The following TNNI3K variants were observed in gnomAD, a reference collection of about 807,000 sequenced individuals.
TNNI3K encodes TNNI3 interacting kinase.
TNNI3K carries 140 observed loss-of-function variants against 114.5 expected under a neutral mutation model. The observed-to-expected ratio is 1.22, with a 90% CI of 1.07 to 1.41. TNNI3K has a LOEUF of 1.41. TNNI3K is among the 40% of genes most tolerant of loss of function. TNNI3K has a pLI of 0.00. For synonymous variants in TNNI3K, 347 were observed against 347.5 expected, an observed-to-expected ratio of 1.00 and a Z score of 0.02; for missense variants, 1,125 against 1,007.6, an observed-to-expected ratio of 1.12 and a Z score of -1.58.
intron 21 of TNNI3K, chr1:74,475,147 CA>C: frequency 1.8e-6 from 1 of 548,162 alleles, no homozygotes; most frequent in Non-Finnish European, 3.2e-6. Flanking sequence ...CACACACACA[CA>C]CACACACACA....
At chr1:74,435,392 A>G (rs1055690478) in intron 17 of TNNI3K, among the ~76,000 whole-genome samples, 2 of 152,044 alleles carry the variant, frequency 1.3e-5, no homozygotes, top group African/African-American at 4.8e-5. Flanking sequence ...GCTAATTAAC[A>G]TATCTATCCA....
intron 2 of TNNI3K, among the ~76,000 whole-genome samples, chr1:74,242,986 T>C (rs1654340071): frequency 6.6e-6 from 1 of 152,132 alleles, no homozygotes; most frequent in African/African-American, 2.4e-5. Flanking sequence ...TGATTCCTTC[T>C]TTCCTATCCC....
At position 74,432,985 on chromosome 1, in the gene TNNI3K, G is replaced by T. The variant is rs553767146; in HGVS notation, c.1773-3095G>T. The stretch of plus-strand genomic sequence containing the variant: ...GTATGCTAATACCATCTCCATAGTG[G>T]CTCCATGAGGAATGGAAAAATGTTG... On this transcript the variant is annotated intron_variant, in intron 17 of 24. Coordinates refer to ENST00000326637, the MANE Select transcript of TNNI3K (RefSeq NM_015978.3). 6.6e-5 allele frequency among the ~76,000 whole-genome samples: 10 copies of T among 152,062 alleles called. No homozygotes were observed. The East Asian group carries it at 1.7e-3, about 27-fold the overall frequency.
In TNNI3K at chr1:74,370,338, G is replaced by A. The variant is rs1295527141; in HGVS notation, c.1718G>A (p.Gly573Asp). The change falls in exon 17 of 25, where the codon GGC (glycine) becomes GAC (aspartate). Residue 573 changes from glycine (G) to aspartate (D), a missense_variant. Coordinates refer to ENST00000326637, the MANE Select transcript of TNNI3K (RefSeq NM_015978.3). Reference sequence around the variant, plus strand: ...ATTATTGCAGTAGATGTTGCCAAAGGCATGGAGTACCTTCACAACCTGACA... The same window carrying A: ...ATTATTGCAGTAGATGTTGCCAAAGACATGGAGTACCTTCACAACCTGACA... ...KLIIAVDVAK[G>D]MEYLHNLTQP... is the part of the protein sequence containing the mutation. The A allele has an allele frequency of 6.2e-7, 1 of 1,607,110 alleles. No individual in the cohort carries two copies. The highest frequency in any genetic ancestry group is 8.5e-7 in the Non-Finnish European group (1 of 1,175,916).
intron 5 of TNNI3K, among the ~76,000 whole-genome samples, chr1:74,284,234 T>C (rs2100263404): frequency 6.6e-6 from 1 of 152,320 alleles, no homozygotes; most frequent in East Asian, 1.9e-4. Flanking sequence ...CTTTGAGTAT[T>C]GGATATTCTA....
At chr1:74,385,786 G>A (rs1415768937) in intron 17 of TNNI3K, among the ~76,000 whole-genome samples, 1 of 152,146 alleles carries the variant, frequency 6.6e-6, no homozygotes, top group East Asian at 1.9e-4. Context: ...ATTCTTGTAG[G>A]TTCTGGTCTG....
chr1:74,349,028 G>A (rs6670635), intron 9 of TNNI3K, among the ~76,000 whole-genome samples: 12,723 of 151,946 alleles, frequency 0.084, 554 homozygotes, highest in Non-Finnish European at 0.1. Flanking sequence ...AACTTCCAAC[G>A]CTATGTTGAA....
At position 74,537,515 on chromosome 1, in the gene TNNI3K, C is replaced by T. The variant is rs188968158; in HGVS notation, c.2352-2719C>T. On this transcript the variant is annotated intron_variant, in intron 23 of 24. Transcript: ENST00000326637. ...ATTAATCAGTGTGAACTGATGTTAG[C>T]TTTCAGGAAAAACTGATGTCTCCAA... Among the ~76,000 whole-genome samples, 8 of 152,280 alleles carry T rather than the reference C, an allele frequency of 5.3e-5. No homozygotes were observed. In the East Asian group the frequency reaches 1.5e-3, roughly 29 times the overall value.
intron 23 of TNNI3K, among the ~76,000 whole-genome samples, chr1:74,511,797 G>C (rs1243426116): frequency 6.6e-6 from 1 of 151,976 alleles, no homozygotes; most frequent in Non-Finnish European, 1.5e-5. Flanking sequence ...GTTTGGCAGA[G>C]TTAACCAAGC....
At chr1:74,438,790 G>T (rs562840468) in intron 19 of TNNI3K, among the ~76,000 whole-genome samples, 1 of 152,190 alleles carries the variant, frequency 6.6e-6, no homozygotes, top group South Asian at 2.1e-4. Flanking sequence ...TCGAAACAGA[G>T]GCTAGAACTT....
intron 9 of TNNI3K, among the ~76,000 whole-genome samples, chr1:74,347,859 G>A (rs992225341): frequency 1.3e-5 from 2 of 151,908 alleles, no homozygotes; most frequent in Admixed American, 6.6e-5. Context: ...TTTTTTTCTT[G>A]TAAATTTGTA....
intron 21 of TNNI3K, among the ~76,000 whole-genome samples, chr1:74,467,293 A>AC (rs1222215887): frequency 1.1e-3 from 170 of 152,320 alleles, no homozygotes; most frequent in African/African-American, 3.8e-3. Context: ...CACTAACATC[A>AC]TGCTATTCTG....
At chr1:74,349,195 T>G (rs1570500292) in intron 9 of TNNI3K, among the ~76,000 whole-genome samples, 1 of 152,274 alleles carries the variant, frequency 6.6e-6, no homozygotes, top group South Asian at 2.1e-4. Flanking sequence ...TATTGAAAGT[T>G]TTTAGCATGA....
chr1:74,459,629 T>C (rs1472469539), intron 20 of TNNI3K, among the ~76,000 whole-genome samples: 5 of 152,238 alleles, frequency 3.3e-5, no homozygotes, highest in Admixed American at 6.5e-5. Context: ...CAGATTATTT[T>C]TGGTTTATTA....
At chr1:74,414,652 T>A (rs1386162822) in intron 17 of TNNI3K, among the ~76,000 whole-genome samples, 4 of 152,204 alleles carry the variant, frequency 2.6e-5, no homozygotes, top group Non-Finnish European at 5.9e-5. Flanking sequence ...TGTTCTGTCA[T>A]CATTGAACTT....
rs199771934 is a variant in TNNI3K, at chr1:74,436,151, G to A, written c.1825+19G>A. 6.5e-5 allele frequency: 104 copies of A among 1,610,650 alleles called. 1 individual carries two copies. Among genetic ancestry groups the A allele is most frequent in the South Asian group, 4.8e-4 (44 of 90,830 alleles). On this transcript the variant is annotated intron_variant, in intron 18 of 24. Coordinates refer to ENST00000326637, the MANE Select transcript of TNNI3K (RefSeq NM_015978.3). ...TTTGGAGGTGAGATACCCCAAAATG[G>A]CATCCTTTTTTTCTTTGTTCCTAGC...
chr1:74,240,566 C>T (rs1391975601), intron 2 of TNNI3K: 1 of 151,990 alleles, frequency 6.6e-6, no homozygotes, highest in Non-Finnish European at 1.5e-5. Flanking sequence ...ATTATACAAC[C>T]TTTTTGAAAA....
intron 23 of TNNI3K, among the ~76,000 whole-genome samples, chr1:74,534,025 C>A (rs1002510537): frequency 2.6e-5 from 4 of 152,146 alleles, no homozygotes; most frequent in Non-Finnish European, 5.9e-5. Context: ...ATCCCCAAAA[C>A]GCCGGTGAAA....
Position 74,469,539 on chromosome 1 carries a change from T to C in TNNI3K, c.2121+5989T>C, listed in dbSNP as rs1314637507. The C allele has an allele frequency of 3.3e-5, 6 of 184,162 alleles. No homozygotes were observed. In the East Asian group the frequency reaches 8.2e-4, roughly 25 times the overall value. The allele number at this position is 184,162 out of a possible 1,614,324, so 11.4% of individuals were successfully genotyped here. A position where few individuals can be genotyped will look rare whatever the true frequency, so the allele number is the denominator to read the frequency against. On this transcript the variant is annotated intron_variant, in intron 21 of 24. Transcript: ENST00000326637. ...AAATAAACATCAAATGTAAATCTGC[T>C]CAAATACTCTTCTTATGTAGTTTTT...
Sources: allele counts gnomAD v4.1 joint callset (sites outside exome capture counted in the v4.1 genomes callset), GRCh38; gene constraint gnomAD v4.1.1; transcripts MANE v1.5; gene names NCBI Gene and HGNC (gene_info 2026-07-23, HGNC 2026-07-21).